SCHIP1: variants seen among roughly 807,000 people sequenced by gnomAD.
The protein encoded by SCHIP1 is schwannomin interacting protein 1, also known as schwannomin-interacting protein 1.
In SCHIP1, 8 loss-of-function variants were observed where a neutral mutation model predicts 29.7. The observed-to-expected ratio is 0.27, with a 90% CI of 0.16 to 0.49. The LOEUF (loss-of-function observed/expected upper bound fraction) is 0.49, where lower values mean the gene tolerates loss of function less well. SCHIP1 is among the 20% of genes least tolerant of loss of function. SCHIP1 has a pLI of 0.99. For synonymous variants in SCHIP1, 76 were observed against 94.9 expected (o/e 0.80, Z 1.16); for missense variants, 193 against 294.6 (o/e 0.66, Z 2.52).
chr3:159,430,544 T>C, the SCHIP1 span, among the ~76,000 whole-genome samples: 2 of 152,048 alleles, frequency 1.3e-5, no homozygotes, highest in Admixed American at 1.3e-4. Context: ...CTTGGGGCAT[T>C]GAATAGAAAA....
the SCHIP1 span, among the ~76,000 whole-genome samples, chr3:159,378,910 C>G: frequency 3.9e-4 from 59 of 152,308 alleles, no homozygotes; most frequent in Non-Finnish European, 6.2e-4. Flanking sequence ...ATAACTGTCT[C>G]TGCTTCTCTG....
the SCHIP1 span, chr3:159,273,357 C>T: frequency 1.3e-5 from 13 of 994,912 alleles, no homozygotes; most frequent in Non-Finnish European, 1.6e-5. Flanking sequence ...TGTGCAGTGC[C>T]TTGTGGAATT....
chr3:159,463,306 T>C, the SCHIP1 span, among the ~76,000 whole-genome samples: 1 of 152,160 alleles, frequency 6.6e-6, no homozygotes, highest in Non-Finnish European at 1.5e-5. Context: ...CAAATTATAA[T>C]AGAGGCAAAT....
At chr3:159,505,074 C>T in the SCHIP1 span, among the ~76,000 whole-genome samples, 53 of 152,218 alleles carry the variant, frequency 3.5e-4, no homozygotes, top group Admixed American at 1.6e-3. Context: ...GAGCAAGGTG[C>T]GTTTGCTCAT....
At chr3:159,393,255 T>C in the SCHIP1 span, among the ~76,000 whole-genome samples, 2 of 152,180 alleles carry the variant, frequency 1.3e-5, no homozygotes, top group African/African-American at 4.8e-5. Context: ...TTCTCCCATT[T>C]TGTAGGTTGC....
the SCHIP1 span, among the ~76,000 whole-genome samples, chr3:159,706,838 A>G: frequency 3.9e-5 from 6 of 152,286 alleles, no homozygotes; most frequent in East Asian, 9.6e-4. Context: ...GGTGAGTGGG[A>G]TGGGGTGACT....
the SCHIP1 span, among the ~76,000 whole-genome samples, chr3:159,786,460 G>A: frequency 3.9e-5 from 6 of 152,290 alleles, no homozygotes; most frequent in South Asian, 1.2e-3. Context: ...ATGGATTTGA[G>A]TTGTTATTAA....
the SCHIP1 span, among the ~76,000 whole-genome samples, chr3:159,477,379 G>T: frequency 6.6e-6 from 1 of 152,110 alleles, no homozygotes; most frequent in Non-Finnish European, 1.5e-5. Context: ...CATAATAGCT[G>T]TACTAATTTA....
the SCHIP1 span, among the ~76,000 whole-genome samples, chr3:159,365,470 T>C: frequency 3.4e-4 from 51 of 152,216 alleles, 1 homozygote; most frequent in Non-Finnish European, 6.9e-4. Flanking sequence ...TCATACTATA[T>C]ATATAAAACA....
the SCHIP1 span, among the ~76,000 whole-genome samples, chr3:159,348,140 A>C: frequency 6.6e-6 from 1 of 152,264 alleles, no homozygotes; most frequent in East Asian, 1.9e-4. Flanking sequence ...ATGTTCTTTA[A>C]TAATAATAAA....
At chr3:159,513,522 A>C in the SCHIP1 span, among the ~76,000 whole-genome samples, 1 of 152,176 alleles carries the variant, frequency 6.6e-6, no homozygotes, top group Non-Finnish European at 1.5e-5. Context: ...GACTTAGATT[A>C]AGTGTCTTTC....
At chr3:159,288,917 T>C in the SCHIP1 span, among the ~76,000 whole-genome samples, 3 of 152,290 alleles carry the variant, frequency 2.0e-5, no homozygotes, top group East Asian at 3.9e-4. Flanking sequence ...GTCACATTAA[T>C]AACTTTCTTC....
chr3:159,417,098 C>T, the SCHIP1 span, among the ~76,000 whole-genome samples: 29 of 152,234 alleles, frequency 1.9e-4, no homozygotes. Flanking sequence ...TTCCGCAGCA[C>T]TGGCTATTAC....
the SCHIP1 span, among the ~76,000 whole-genome samples, chr3:159,825,727 C>A: frequency 6.6e-6 from 1 of 151,954 alleles, no homozygotes; most frequent in African/African-American, 2.4e-5. Flanking sequence ...ACGGAGCATA[C>A]AATCTAGTGG....
At chr3:159,766,503 T>C in the SCHIP1 span, among the ~76,000 whole-genome samples, 5 of 152,196 alleles carry the variant, frequency 3.3e-5, no homozygotes, top group African/African-American at 1.2e-4. Context: ...AAAATATCCT[T>C]TTCCCACTTT....
the SCHIP1 span, among the ~76,000 whole-genome samples, chr3:159,509,487 T>C: frequency 6.6e-6 from 1 of 152,206 alleles, no homozygotes; most frequent in Non-Finnish European, 1.5e-5. Flanking sequence ...AGTATTGTTA[T>C]GTGTGAATTT....
the SCHIP1 span, among the ~76,000 whole-genome samples, chr3:159,366,962 GAACA>G: frequency 1.2e-4 from 19 of 152,088 alleles, no homozygotes; most frequent in African/African-American, 3.9e-4. Flanking sequence ...AAAAAATACA[GAACA>G]AACAGCCCTC....
chr3:159,706,395 C>T, the SCHIP1 span, among the ~76,000 whole-genome samples: 1 of 152,178 alleles, frequency 6.6e-6, no homozygotes, highest in Non-Finnish European at 1.5e-5. Context: ...ACTTAGGAAA[C>T]ACTGGGCAGC....
At chr3:159,592,984 G>T in the SCHIP1 span, among the ~76,000 whole-genome samples, 1 of 152,120 alleles carries the variant, frequency 6.6e-6, no homozygotes, top group Non-Finnish European at 1.5e-5. Context: ...CTCTGCCCTG[G>T]AGTAGGGAGA....
Sources: allele counts gnomAD v4.1 joint callset (sites outside exome capture counted in the v4.1 genomes callset), GRCh38; gene constraint gnomAD v4.1.1; transcripts MANE v1.5; gene names NCBI Gene and HGNC (gene_info 2026-07-23, HGNC 2026-07-21).